The following FHOD3 variants were observed in gnomAD, a reference collection of about 807,000 sequenced individuals.
FHOD3 encodes the protein formin homology 2 domain containing 3.
Under a neutral mutation model 173.0 loss-of-function variants are expected in FHOD3, and 90 were observed. The observed-to-expected ratio is 0.52, with a 90% confidence interval of 0.44 to 0.62. The LOEUF is 0.62. Ranked by LOEUF, FHOD3 falls within the 20% of genes least tolerant of loss-of-function variation. The pLI, the probability that FHOD3 is intolerant of heterozygous loss-of-function variation, is 0.00. For synonymous variants in FHOD3, 828 were observed against 823.0 expected (o/e 1.01, Z -0.10); for missense variants, 1,945 against 2,034.7 (o/e 0.96, Z 0.85).
intron 5 of FHOD3, among the ~76,000 whole-genome samples, chr18:36,556,004 T>G (rs9947459): frequency 0.28 from 43,053 of 152,050 alleles, 6,520 homozygotes; most frequent in Middle Eastern, 0.35. Flanking sequence ...TAATTTTAAA[T>G]TGATCTGTTT....
chr18:36,415,386 G>T (rs922213100), intron 3 of FHOD3, among the ~76,000 whole-genome samples: 1 of 152,228 alleles, frequency 6.6e-6, no homozygotes, highest in Non-Finnish European at 1.5e-5. Context: ...CTGAGATAGG[G>T]TGTAGGGTGA....
At chr18:36,702,224 T>C (rs1391229001) in intron 17 of FHOD3, among the ~76,000 whole-genome samples, 1 of 152,162 alleles carries the variant, frequency 6.6e-6, no homozygotes, top group African/African-American at 2.4e-5. Flanking sequence ...GGAAGGTTGG[T>C]GCTGAAGCCT....
chr18:36,567,554 C>T (rs1337152572), intron 5 of FHOD3, among the ~76,000 whole-genome samples: 2 of 152,184 alleles, frequency 1.3e-5, no homozygotes, highest in African/African-American at 2.4e-5. Flanking sequence ...AATTGTCCTT[C>T]CCAATAAATT....
chr18:36,430,675 G>C (rs997988452), intron 3 of FHOD3, among the ~76,000 whole-genome samples: 10 of 152,202 alleles, frequency 6.6e-5, no homozygotes, highest in Non-Finnish European at 1.5e-4. Context: ...GGAATTACCA[G>C]AAATGAATAT....
At chr18:36,736,221 G>A (rs2041622444) in intron 20 of FHOD3, among the ~76,000 whole-genome samples, 1 of 152,210 alleles carries the variant, frequency 6.6e-6, no homozygotes, top group Admixed American at 6.5e-5. Context: ...TGTCTGGCAG[G>A]GAGTACCCGC....
chr18:36,388,885 A>T (rs192263937), intron 3 of FHOD3, among the ~76,000 whole-genome samples: 2 of 152,100 alleles, frequency 1.3e-5, no homozygotes, highest in Non-Finnish European at 2.9e-5. Context: ...AAGACAAATG[A>T]TCTATGTATT....
intron 5 of FHOD3, among the ~76,000 whole-genome samples, chr18:36,546,030 T>A (rs144214754): frequency 1.8e-4 from 27 of 152,338 alleles, no homozygotes; most frequent in African/African-American, 6.5e-4. Flanking sequence ...CAGTATGAAA[T>A]CCTTCTCGAA....
At chr18:36,756,525 T>A (rs1396228604) in intron 25 of FHOD3, among the ~76,000 whole-genome samples, 1 of 152,244 alleles carries the variant, frequency 6.6e-6, no homozygotes, top group Non-Finnish European at 1.5e-5. Flanking sequence ...GAAAACCAAT[T>A]AGGAAGACCT....
At chr18:36,484,660 GTTTGAGGGAGCCTCTAA>G (rs1195293387) in intron 3 of FHOD3, among the ~76,000 whole-genome samples, 1 of 152,186 alleles carries the variant, frequency 6.6e-6, no homozygotes, top group Non-Finnish European at 1.5e-5. Flanking sequence ...TGCAGTCGAT[GTTTGAGGGAGCCTCTAA>G]GTATGGTATA....
intron 17 of FHOD3, among the ~76,000 whole-genome samples, chr18:36,708,402 AG>A (rs1262060424): frequency 6.6e-6 from 1 of 152,224 alleles, no homozygotes; most frequent in Non-Finnish European, 1.5e-5. Flanking sequence ...TTCCCTAAAC[AG>A]GCAAAAAGGT....
At chr18:36,537,152 C>G (rs966252218) in intron 5 of FHOD3, among the ~76,000 whole-genome samples, 9 of 152,142 alleles carry the variant, frequency 5.9e-5, no homozygotes, top group African/African-American at 2.2e-4. Flanking sequence ...TGGCCTGTCT[C>G]CACTCCAAAC....
chr18:36,444,200 A>AAT (rs2051330376), intron 3 of FHOD3, among the ~76,000 whole-genome samples: 1 of 151,424 alleles, frequency 6.6e-6, no homozygotes, highest in Admixed American at 6.6e-5. Context: ...CTCAAAAAAA[A>AAT]AAAAAAAAAA....
At chr18:36,528,827 C>T (rs749269671) in intron 5 of FHOD3, among the ~76,000 whole-genome samples, 8 of 152,200 alleles carry the variant, frequency 5.3e-5, no homozygotes, top group Non-Finnish European at 8.8e-5. Context: ...TTTTAGAAAA[C>T]GGGACCACTG....
intron 9 of FHOD3, among the ~76,000 whole-genome samples, chr18:36,617,434 A>G (rs1023237508): frequency 6.6e-6 from 1 of 152,170 alleles, no homozygotes; most frequent in Non-Finnish European, 1.5e-5. Flanking sequence ...GACCTGTTCC[A>G]TGTTGATATA....
chr18:36,539,867 C>T (rs183189830), intron 5 of FHOD3, among the ~76,000 whole-genome samples: 3 of 152,226 alleles, frequency 2.0e-5, no homozygotes, highest in Admixed American at 2.0e-4. Flanking sequence ...CTGGAAGAGG[C>T]CTGGTTCCGA....
At chr18:36,491,608 C>A (rs2054477356) in intron 3 of FHOD3, among the ~76,000 whole-genome samples, 1 of 151,952 alleles carries the variant, frequency 6.6e-6, no homozygotes, top group African/African-American at 2.4e-5. Flanking sequence ...AACCACTGAT[C>A]TTTTTACAGT....
chr18:36,747,225 CAG>C, intron 24 of FHOD3, 90 bp downstream of exon 24: 2 of 1,084,798 alleles, frequency 1.8e-6, no homozygotes, highest in Non-Finnish European at 2.6e-6. Flanking sequence ...GTTAAATTTA[CAG>C]ATTTTTTGTA....
Position 36,779,816 on chromosome 18 carries a change from A to G in FHOD3, c.*286A>G. On this transcript the variant is annotated 3_prime_UTR_variant, in exon 29 of 29. Coordinates refer to ENST00000590592, the MANE Select transcript of FHOD3 (RefSeq NM_001281740.3). ...GTGTGACACCTTTTCTGGGCAAGGAACAGCCCCTTTAAGGAGCAAATCACT... is the reference window on the plus strand; with the variant it reads ...GTGTGACACCTTTTCTGGGCAAGGAGCAGCCCCTTTAAGGAGCAAATCACT... 1 of 506,378 alleles carries G rather than the reference A, an allele frequency of 2.0e-6. No homozygotes were observed. Among genetic ancestry groups the G allele is most frequent in the South Asian group, 3.6e-5 (1 of 27,784 alleles). 31.4% of individuals were successfully genotyped at this position (506,378 alleles called of 1,614,324 possible). A position where few individuals can be genotyped will look rare whatever the true frequency, so the allele number is the denominator to read the frequency against.
chr18:36,502,567 C>G (rs1033221140), intron 4 of FHOD3, among the ~76,000 whole-genome samples: 1 of 152,152 alleles, frequency 6.6e-6, no homozygotes, highest in Non-Finnish European at 1.5e-5. Context: ...CTGCAAAGGA[C>G]ATGAACTCAT....
Sources: gnomAD v4.1 joint callset for allele counts (sites outside exome capture counted in the v4.1 genomes callset) on GRCh38, gnomAD v4.1.1 for gene constraint, MANE v1.5 for transcripts, NCBI Gene and HGNC (gene_info 2026-07-23, HGNC 2026-07-21) for gene names.